Variants in KDM2A observed in about 807,000 individuals in gnomAD.
The protein encoded by KDM2A is lysine-specific demethylase 2A.
In KDM2A, 3 loss-of-function variants were observed where a neutral mutation model predicts 137.3. The ratio of observed to expected loss-of-function variants is 0.02; its 90% CI spans 0.01 to 0.06. The LOEUF is 0.06. Ranked by LOEUF, KDM2A falls within the 10% of genes least tolerant of loss-of-function variation. The probability of loss-of-function intolerance (pLI) is 1.00; values close to 1 mark genes in which losing one functional copy is unlikely to be tolerated. For missense variants in KDM2A, 738 were observed against 1,510.6 expected (o/e 0.49, Z 8.48); for synonymous variants, 512 against 541.5 (o/e 0.95, Z 0.76).
intron 5 of KDM2A, among the ~76,000 whole-genome samples, chr11:67,191,313 C>T (rs868535491): frequency 6.6e-6 from 1 of 152,206 alleles, no homozygotes; most frequent in Non-Finnish European, 1.5e-5. Flanking sequence ...GCGTGAGCCA[C>T]TGCGCCCGAC....
At chr11:67,168,566 AG>A in intron 2 of KDM2A, among the ~76,000 whole-genome samples, 1 of 26,740 alleles carries the variant, frequency 3.7e-5, no homozygotes, top group African/African-American at 1.6e-4. Context: ...ACACACACAC[AG>A]TCTTGTATGA....
At chr11:67,232,225 A>T (rs1481814114) in intron 12 of KDM2A, among the ~76,000 whole-genome samples, 1 of 152,232 alleles carries the variant, frequency 6.6e-6, no homozygotes, top group Non-Finnish European at 1.5e-5. Context: ...GACCCCAAAA[A>T]TAAAGTGACC....
At chr11:67,216,769 A>C (rs1179399231) in intron 8 of KDM2A, among the ~76,000 whole-genome samples, 1 of 152,074 alleles carries the variant, frequency 6.6e-6, no homozygotes, top group East Asian at 1.9e-4. Context: ...AAAAATACAA[A>C]ATTAGCTGGG....
chr11:67,175,736 CCTAATAAAAAG>C (rs1856962581), intron 2 of KDM2A, among the ~76,000 whole-genome samples: 1 of 151,994 alleles, frequency 6.6e-6, no homozygotes, highest in African/African-American at 2.4e-5. Flanking sequence ...TTATGGTAGA[CCTAATAAAAAG>C]GTTGAGGTTT....
At chr11:67,218,919 A>G (rs1308161605) in intron 9 of KDM2A, among the ~76,000 whole-genome samples, 1 of 152,072 alleles carries the variant, frequency 6.6e-6, no homozygotes, top group Non-Finnish European at 1.5e-5. Context: ...ATGTTAGCGT[A>G]TTTTATGTGT....
In KDM2A at chr11:67,250,008, A is replaced by AG; in HGVS notation, c.2056-75dup. Reference sequence around the variant, plus strand: ...TCTTCTCTCTGGTCCCCTGAGAGCAAGGGAGGTCCACCCTGTCGGTTCAGA... The same window carrying AG: ...TCTTCTCTCTGGTCCCCTGAGAGCAAGGGGAGGTCCACCCTGTCGGTTCAGA... On this transcript the variant is annotated intron_variant, in intron 16 of 20. Coordinates refer to ENST00000529006, the MANE Select transcript of KDM2A (RefSeq NM_012308.3). The surrounding 1 kb of genome is among the most constrained non-coding windows in gnomAD (Gnocchi z 7.1). 8.4e-7 allele frequency: 1 copy of AG among 1,192,084 alleles called. No individual in the cohort carries two copies. The highest frequency in any genetic ancestry group is 1.2e-6 in the Non-Finnish European group (1 of 852,106). The allele number at this position is 1,192,084 out of a possible 1,614,324, so 73.8% of individuals were successfully genotyped here.
chr11:67,160,577 G>T (rs1856612470), intron 2 of KDM2A, among the ~76,000 whole-genome samples: 1 of 151,940 alleles, frequency 6.6e-6, no homozygotes, highest in African/African-American at 2.4e-5. Flanking sequence ...TTTGAGACCA[G>T]CCCGGCCAAC....
chr11:67,199,980 AT>A (rs1857577464), intron 5 of KDM2A, among the ~76,000 whole-genome samples: 2 of 152,196 alleles, frequency 1.3e-5, no homozygotes, highest in African/African-American at 4.8e-5. Flanking sequence ...CTTATTTACC[AT>A]TCCAAAATCC....
chr11:67,252,511 G>A (rs1475527622), intron 17 of KDM2A, 183 bp from the exon 18 acceptor site: 2 of 645,158 alleles, frequency 3.1e-6, no homozygotes, highest in East Asian at 5.6e-5. Flanking sequence ...TCTAGTTGTT[G>A]TAGAGTTCAA....
At chr11:67,161,170 T>G (rs1268042900) in intron 2 of KDM2A, among the ~76,000 whole-genome samples, 1 of 152,152 alleles carries the variant, frequency 6.6e-6, no homozygotes, top group Non-Finnish European at 1.5e-5. Context: ...GAGACTAACT[T>G]GAGAACGCAG....
intron 12 of KDM2A, chr11:67,240,034 C>G: frequency 7.7e-7 from 1 of 1,305,554 alleles, no homozygotes; most frequent in African/African-American, 1.5e-5. Context: ...GGCTCCCCCT[C>G]CTGCCATCTT....
intron 2 of KDM2A, among the ~76,000 whole-genome samples, chr11:67,152,867 T>G (rs1227637776): frequency 2.0e-5 from 3 of 151,508 alleles, no homozygotes; most frequent in Non-Finnish European, 1.5e-5. Context: ...GCATTTTTAA[T>G]TTTATATATC....
intron 2 of KDM2A, among the ~76,000 whole-genome samples, chr11:67,141,678 AAAAAATATATATAT>A (rs1325768298): frequency 2.6e-5 from 2 of 76,274 alleles, no homozygotes; most frequent in African/African-American, 1.4e-4. Context: ...AAAAAAAAAA[AAAAAATATATATAT>A]ATATATATAT....
At chr11:67,134,357 CCTAA>C (rs1006695145) in intron 2 of KDM2A, among the ~76,000 whole-genome samples, 1 of 151,946 alleles carries the variant, frequency 6.6e-6, no homozygotes, top group African/African-American at 2.4e-5. Context: ...ACAGGACAGC[CCTAA>C]CTACGATGAA....
At chr11:67,191,819 C>T (rs1332981071) in intron 5 of KDM2A, among the ~76,000 whole-genome samples, 3 of 152,158 alleles carry the variant, frequency 2.0e-5, no homozygotes. Flanking sequence ...CAATGTAGCA[C>T]TGGAAGTCCT....
intron 11 of KDM2A, among the ~76,000 whole-genome samples, chr11:67,230,654 A>C (rs1050121129): frequency 6.6e-6 from 1 of 152,122 alleles, no homozygotes; most frequent in Non-Finnish European, 1.5e-5. Context: ...CATAAAAAAA[A>C]AAAACCCACA....
intron 4 of KDM2A, 37 bp from the exon 5 acceptor site, chr11:67,181,809 T>A: frequency 6.3e-7 from 1 of 1,589,222 alleles, no homozygotes; most frequent in Non-Finnish European, 8.6e-7. Context: ...AGAGCAATTG[T>A]GTTTTCCATA....
intron 5 of KDM2A, among the ~76,000 whole-genome samples, chr11:67,186,152 A>G (rs1195951904): frequency 1.3e-5 from 2 of 152,208 alleles, no homozygotes; most frequent in East Asian, 1.9e-4. Context: ...AAACAGCTCA[A>G]TGAACTCCAA....
intron 2 of KDM2A, among the ~76,000 whole-genome samples, chr11:67,165,387 G>A (rs1250842676): frequency 6.6e-6 from 1 of 152,144 alleles, no homozygotes; most frequent in East Asian, 1.9e-4. Flanking sequence ...CTCCCAAAGT[G>A]CTGGGATTAC....
Sources: allele counts gnomAD v4.1 joint callset (sites outside exome capture counted in the v4.1 genomes callset), GRCh38; gene constraint gnomAD v4.1.1; non-coding constraint Gnocchi (gnomAD v3.1); transcripts MANE v1.5; gene names NCBI Gene and HGNC (gene_info 2026-07-23, HGNC 2026-07-21).